EPB41L5: variants seen among roughly 807,000 people sequenced by gnomAD.
EPB41L5 encodes band 4.1-like protein 5.
Under a neutral mutation model 106.6 loss-of-function variants are expected in EPB41L5, and 55 were observed. The ratio of observed to expected loss-of-function variants is 0.52; its 90% confidence interval spans 0.42 to 0.65. EPB41L5 has a LOEUF of 0.65. Among genes scored for constraint, EPB41L5 ranks in the 30% least tolerant of loss-of-function variants. EPB41L5 has a pLI of 0.00. For missense variants in EPB41L5, 871 were observed against 882.1 expected, an observed-to-expected ratio of 0.99 and a Z score of 0.16; for synonymous variants, 297 against 306.7, an observed-to-expected ratio of 0.97 and a Z score of 0.33.
At chr2:120,143,160 T>G in intron 19 of EPB41L5, 29 bp downstream of exon 19, 2 of 1,535,602 alleles carry the variant, frequency 1.3e-6, no homozygotes, top group Middle Eastern at 1.8e-4. Flanking sequence ...ATAGCCCTGG[T>G]GAAGTGAAAT....
intron 2 of EPB41L5, among the ~76,000 whole-genome samples, chr2:120,037,183 A>G (rs1679088947): frequency 6.6e-6 from 1 of 152,218 alleles, no homozygotes; most frequent in Admixed American, 6.5e-5. Flanking sequence ...ATCTAAGAGA[A>G]TAAAATGCTT....
chr2:120,127,017 A>G (rs1195660159), intron 16 of EPB41L5, among the ~76,000 whole-genome samples: 1 of 152,186 alleles, frequency 6.6e-6, no homozygotes, highest in Non-Finnish European at 1.5e-5. Flanking sequence ...TGTTACTGTG[A>G]ATGAAATTGT....
chr2:120,164,872 C>T lies in EPB41L5; in HGVS notation c.1924C>T (p.Leu642=). ...TGAATTGGATGCCTTGCTTGCATCT[C>T]TAACTGAGAATCTAATTGATCACAC... ...TDELDALLAS[L]TENLIDHTVA... Residue 642 remains leucine (L), a synonymous_variant, in exon 22 of 25, where the codon CTA becomes TTA. Coordinates refer to ENST00000263713, the MANE Select transcript of EPB41L5 (RefSeq NM_020909.4). 6.2e-7 allele frequency: 1 copy of T among 1,612,322 alleles called. No homozygotes were observed.
intron 1 of EPB41L5, among the ~76,000 whole-genome samples, chr2:120,016,105 G>C (rs548904976): frequency 1.3e-5 from 2 of 152,088 alleles, no homozygotes; most frequent in African/African-American, 4.8e-5. Context: ...TCCAGAAATA[G>C]AACTGTTGAG....
chr2:120,154,465 C>A (rs1686819245), intron 20 of EPB41L5, among the ~76,000 whole-genome samples: 1 of 151,834 alleles, frequency 6.6e-6, no homozygotes, highest in Non-Finnish European at 1.5e-5. Context: ...GCACCCGGCC[C>A]CTTCCCTATA....
chr2:120,032,158 G>T (rs1484533278), intron 2 of EPB41L5, among the ~76,000 whole-genome samples: 2 of 152,070 alleles, frequency 1.3e-5, no homozygotes, highest in East Asian at 3.9e-4. Flanking sequence ...TGAGGTGGGC[G>T]TATCATGAGT....
intron 3 of EPB41L5, among the ~76,000 whole-genome samples, chr2:120,059,585 C>T (rs529175968): frequency 6.6e-6 from 1 of 152,260 alleles, no homozygotes; most frequent in East Asian, 1.9e-4. Context: ...ACACATCTGA[C>T]CAGGAACTCG....
At chr2:120,054,516 A>G (rs1437365962) in intron 3 of EPB41L5, among the ~76,000 whole-genome samples, 1 of 10,474 alleles carries the variant, frequency 9.5e-5, no homozygotes, top group Non-Finnish European at 2.1e-4. Context: ...TTTTTTTGAG[A>G]AAGAGTCTCA....
At chr2:120,014,996 T>C (rs971737523) in intron 1 of EPB41L5, among the ~76,000 whole-genome samples, 7 of 151,366 alleles carry the variant, frequency 4.6e-5, no homozygotes, top group African/African-American at 1.7e-4. Context: ...CCCACAACTT[T>C]TAGTGATCCA....
chr2:120,124,871 G>T (rs1239058263), intron 16 of EPB41L5, among the ~76,000 whole-genome samples: 1 of 151,844 alleles, frequency 6.6e-6, no homozygotes, highest in African/African-American at 2.4e-5. Context: ...TTGTTTTTTC[G>T]TGATGAGATT....
At chr2:120,071,026 TG>T (rs1480748825) in intron 3 of EPB41L5, among the ~76,000 whole-genome samples, 2 of 152,178 alleles carry the variant, frequency 1.3e-5, no homozygotes, top group African/African-American at 4.8e-5. Flanking sequence ...CATATTCATA[TG>T]GGAAGAGAGG....
chr2:120,050,593 A>G (rs1278868291), intron 3 of EPB41L5, among the ~76,000 whole-genome samples: 2 of 152,056 alleles, frequency 1.3e-5, no homozygotes, highest in African/African-American at 4.8e-5. Flanking sequence ...CTTCTTTGTG[A>G]TGGGTTCGAA....
intron 18 of EPB41L5, among the ~76,000 whole-genome samples, chr2:120,136,466 T>C (rs1436480911): frequency 6.8e-6 from 1 of 147,952 alleles, no homozygotes; most frequent in Non-Finnish European, 1.5e-5. Flanking sequence ...AGTGGCTACA[T>C]GGATTAAAAA....
intron 11 of EPB41L5, among the ~76,000 whole-genome samples, chr2:120,088,429 A>G (rs1371244319): frequency 2.6e-5 from 4 of 152,176 alleles, no homozygotes; most frequent in Non-Finnish European, 4.4e-5. Context: ...ACTGGGATCT[A>G]CTTGAGTGGG....
In EPB41L5 at chr2:120,100,771, A is replaced by G. The variant is rs201242941; in HGVS notation, c.1294A>G (p.Asn432Asp). 1.2e-6 allele frequency: 2 copies of G among 1,612,696 alleles called. No individual in the cohort carries two copies. Among genetic ancestry groups the G allele is most frequent in the African/African-American group, 2.7e-5 (2 of 74,970 alleles). Residue 432 changes from asparagine to aspartate, a missense_variant, in exon 16 of 25, where the codon AAT (asparagine) becomes GAT (aspartate). Asn to Asp is a conservative substitution (Grantham distance 23, BLOSUM62 1). Coordinates refer to ENST00000263713, the MANE Select transcript of EPB41L5 (RefSeq NM_020909.4). ...SSAPVPVEIENLPQSPGTDQH... is the reference protein window; with the variant it reads ...SSAPVPVEIEDLPQSPGTDQH... ...TGCTCCTGTGCCAGTGGAGATAGAGAATCTTCCACAGAGTCCTGGAACAGA... is the reference window on the plus strand; with the variant it reads ...TGCTCCTGTGCCAGTGGAGATAGAGGATCTTCCACAGAGTCCTGGAACAGA...
At chr2:120,120,649 A>T (rs1011158168) in intron 16 of EPB41L5, among the ~76,000 whole-genome samples, 1 of 152,110 alleles carries the variant, frequency 6.6e-6, no homozygotes, top group Non-Finnish European at 1.5e-5. Flanking sequence ...GAAACAGACC[A>T]TCTAGGCTGT....
chr2:120,076,473 T>TC (rs1682248241), intron 7 of EPB41L5, among the ~76,000 whole-genome samples: 1 of 134,120 alleles, frequency 7.5e-6, no homozygotes, highest in Non-Finnish European at 1.6e-5. Flanking sequence ...TTTTGTACTT[T>TC]TTTTTTTTTT....
chr2:120,080,108 C>CTT (rs777004950), intron 10 of EPB41L5, among the ~76,000 whole-genome samples: 13 of 143,034 alleles, frequency 9.1e-5, no homozygotes, highest in African/African-American at 1.5e-4. Flanking sequence ...AGTAGTATTT[C>CTT]TTTTTTTTTT....
intron 20 of EPB41L5, among the ~76,000 whole-genome samples, chr2:120,159,271 A>G (rs2105532463): frequency 6.6e-6 from 1 of 151,280 alleles, no homozygotes; most frequent in South Asian, 2.1e-4. Context: ...AAAAAAAAAA[A>G]AAACAGCCGG....
Sources: gnomAD v4.1 joint callset for allele counts (sites outside exome capture counted in the v4.1 genomes callset) on GRCh38, gnomAD v4.1.1 for gene constraint, MANE v1.5 for transcripts, NCBI Gene and HGNC (gene_info 2026-07-23, HGNC 2026-07-21) for gene names.